The following PARD3B variants were observed in gnomAD, a reference collection of about 807,000 sequenced individuals.
The protein encoded by PARD3B is partitioning defective 3 homolog B.
Under a neutral mutation model 130.2 loss-of-function variants are expected in PARD3B, and 103 were observed. That is an observed-to-expected ratio of 0.79 (90% confidence interval 0.67 to 0.93). The LOEUF is 0.93. Ranked by LOEUF, PARD3B falls within the 40% of genes least tolerant of loss-of-function variation. The pLI is 0.00. For missense variants in PARD3B, 1,609 were observed against 1,499.2 expected (o/e 1.07, Z -1.21); for synonymous variants, 583 against 553.2 (o/e 1.05, Z -0.76).
intron 15 of PARD3B, among the ~76,000 whole-genome samples, chr2:205,236,276 TAAC>T (rs2039057373): frequency 1.3e-5 from 2 of 152,144 alleles, no homozygotes; most frequent in Admixed American, 1.3e-4. Flanking sequence ...AAAGAAATAA[TAAC>T]AATTCTACAG....
At chr2:205,467,471 A>G (rs2048668518) in intron 20 of PARD3B, among the ~76,000 whole-genome samples, 1 of 152,262 alleles carries the variant, frequency 6.6e-6, no homozygotes, top group South Asian at 2.1e-4. Context: ...TATGTAATTT[A>G]AATATTTCAA....
chr2:204,986,880 C>T (rs1461460625), intron 3 of PARD3B, among the ~76,000 whole-genome samples: 1 of 152,160 alleles, frequency 6.6e-6, no homozygotes, highest in Non-Finnish European at 1.5e-5. Context: ...TCATGTGTTG[C>T]ATATCTCCCT....
chr2:205,014,362 T>C (rs1485594659), intron 3 of PARD3B, among the ~76,000 whole-genome samples: 2 of 152,180 alleles, frequency 1.3e-5, no homozygotes, highest in African/African-American at 4.8e-5. Flanking sequence ...TGTACAGTTA[T>C]TGGCATCCAC....
In PARD3B at chr2:205,584,710, G is replaced by A. The variant is rs567599357; in HGVS notation, c.3261-30746G>A. Among the ~76,000 whole-genome samples, 1 of 152,116 alleles carries A rather than the reference G, an allele frequency of 6.6e-6. No homozygotes were observed. Among genetic ancestry groups the A allele is most frequent in the East Asian group, 1.9e-4 (1 of 5,172 alleles). The stretch of plus-strand genomic sequence containing the variant: ...AATAAATAAAAATAAATAAATAAAT[G>A]ATATATGTGGCTTGCATTATTTTCT... On this transcript the variant is annotated intron_variant, in intron 22 of 22. Coordinates refer to ENST00000406610, the MANE Select transcript of PARD3B (RefSeq NM_001302769.2). This position sits in a 1 kb window ranked among gnomAD's most constrained non-coding sequence, Gnocchi z 5.5.
intron 20 of PARD3B, among the ~76,000 whole-genome samples, chr2:205,445,751 T>C (rs927395137): frequency 6.6e-6 from 1 of 152,200 alleles, no homozygotes; most frequent in African/African-American, 2.4e-5. Context: ...GCTCCCAACA[T>C]ATAATGGCAG....
intron 15 of PARD3B, among the ~76,000 whole-genome samples, chr2:205,196,377 T>C (rs2036682527): frequency 6.6e-6 from 1 of 152,180 alleles, no homozygotes; most frequent in Non-Finnish European, 1.5e-5. Context: ...TTGCAATTTG[T>C]TTATTTATAG....
intron 15 of PARD3B, among the ~76,000 whole-genome samples, chr2:205,217,766 A>G (rs964361672): frequency 4.7e-5 from 7 of 149,186 alleles, no homozygotes; most frequent in Non-Finnish European, 5.9e-5. Context: ...ATGTGTGTAG[A>G]TAAGTATATA....
rs1553645977 is a variant in PARD3B at position 205,238,849 on chromosome 2, A to ATATATATAT, written c.2141-6929_2141-6928insTATATATAT. ...AAACTCCGTTTCAAAAAAAAAAAAAAATATATATATATATATATATATATA... is the reference window on the plus strand; with the variant it reads ...AAACTCCGTTTCAAAAAAAAAAAAAATATATATATATATATATATATATATATATATATA... On this transcript the variant is annotated intron_variant, in intron 15 of 22. Transcript: ENST00000406610. Among the ~76,000 whole-genome samples the ATATATATAT allele has an allele frequency of 1.7e-4, 13 of 76,904 alleles. No individual in the cohort carries two copies. In the East Asian group the frequency reaches 2.2e-3, roughly 13 times the overall value. 50.5% of individuals were successfully genotyped at this position (76,904 alleles called of 152,430 possible).
chr2:204,734,923 G>A (rs1196010445), intron 2 of PARD3B, among the ~76,000 whole-genome samples: 1 of 152,094 alleles, frequency 6.6e-6, no homozygotes, highest in Non-Finnish European at 1.5e-5. Flanking sequence ...TTTAAAAATA[G>A]GACCATAGTG....
intron 10 of PARD3B, among the ~76,000 whole-genome samples, chr2:205,129,244 C>T (rs138604116): frequency 9.7e-4 from 147 of 152,312 alleles, no homozygotes; most frequent in Non-Finnish European, 1.8e-3. Flanking sequence ...CATAGCCTTC[C>T]TATTGGAGAA....
chr2:205,384,913 A>T (rs1206251801), intron 18 of PARD3B, among the ~76,000 whole-genome samples: 1 of 152,090 alleles, frequency 6.6e-6, no homozygotes, highest in Admixed American at 6.6e-5. Flanking sequence ...TGTTTCTGGG[A>T]GATCTTCCTT....
At chr2:204,790,541 G>C (rs1487196068) in intron 2 of PARD3B, among the ~76,000 whole-genome samples, 1 of 152,136 alleles carries the variant, frequency 6.6e-6, no homozygotes, top group African/African-American at 2.4e-5. Flanking sequence ...TTACATTCTG[G>C]TACCAGTGAC....
At chr2:204,765,269 A>G (rs2041094566) in intron 2 of PARD3B, among the ~76,000 whole-genome samples, 1 of 152,016 alleles carries the variant, frequency 6.6e-6, no homozygotes, top group East Asian at 1.9e-4. Context: ...CCCATCCAAG[A>G]CCTGCTGAAT....
At position 205,381,146 on chromosome 2, in the gene PARD3B, T is replaced by TATATAATATATATAAAGA. The variant is rs1559035950; in HGVS notation, c.2631-19862_2631-19861insATATATATAAAGAATATA. Among the ~76,000 whole-genome samples the TATATAATATATATAAAGA allele has an allele frequency of 4.5e-3, 125 of 27,852 alleles. 1 individual carries two copies. In the South Asian group the frequency reaches 0.047, roughly 10 times the overall value. The allele number at this position is 27,852 out of a possible 152,430, so 18.3% of individuals were successfully genotyped here. Reference sequence around the variant, plus strand: ...TATATTATATATAAAGAATATATAATATATATAATATATATAAAGAATATA... The same window carrying TATATAATATATATAAAGA: ...TATATTATATATAAAGAATATATAATATATAATATATATAAAGAATATATAATATATATAAAGAATATA... On this transcript the variant is annotated intron_variant, in intron 18 of 22. Transcript: ENST00000406610.
intron 19 of PARD3B, 25 bp downstream of exon 19, chr2:205,401,148 A>G (rs374961747): frequency 1.6e-5 from 24 of 1,516,710 alleles, no homozygotes; most frequent in Non-Finnish European, 2.2e-5. Flanking sequence ...CGAGACCTTC[A>G]TTTTCTTTGA....
chr2:205,336,156 CCCTTCTCTTTAATTAA>C (rs1243390892), intron 18 of PARD3B, among the ~76,000 whole-genome samples: 1 of 152,118 alleles, frequency 6.6e-6, no homozygotes, highest in African/African-American at 2.4e-5. Flanking sequence ...ATCCAGCCAA[CCCTTCTCTTTAATTAA>C]GAATACTTCT....
chr2:205,178,533 G>A (rs2035614737), intron 13 of PARD3B, among the ~76,000 whole-genome samples: 1 of 152,178 alleles, frequency 6.6e-6, no homozygotes, highest in African/African-American at 2.4e-5. Context: ...AAAAGAGCCT[G>A]GGAAAGGAAT....
At chr2:205,007,176 G>T (rs1695334259) in intron 3 of PARD3B, among the ~76,000 whole-genome samples, 1 of 151,976 alleles carries the variant, frequency 6.6e-6, no homozygotes, top group South Asian at 2.1e-4. Context: ...TCTCCTTCCT[G>T]CCACCTTGTG....
Position 205,122,413 on chromosome 2 carries a change from C to T in PARD3B, c.1165+464C>T, listed in dbSNP as rs548655769. 9.2e-5 allele frequency among the ~76,000 whole-genome samples: 14 copies of T among 152,314 alleles called. No homozygotes were observed. In the East Asian group the frequency reaches 1.4e-3, roughly 15 times the overall value. The stretch of plus-strand genomic sequence containing the variant: ...ATGTTTACTAATTTCTCTGATTCAA[C>T]GTCACAAACATTTAAAACATACCTA... On this transcript the variant is annotated intron_variant, in intron 8 of 22. Coordinates refer to ENST00000406610, the MANE Select transcript of PARD3B (RefSeq NM_001302769.2). This position sits in a 1 kb window ranked among gnomAD's most constrained non-coding sequence, Gnocchi z 4.3.
Sources: allele counts gnomAD v4.1 joint callset (sites outside exome capture counted in the v4.1 genomes callset), GRCh38; gene constraint gnomAD v4.1.1; non-coding constraint Gnocchi (gnomAD v3.1); transcripts MANE v1.5; gene names NCBI Gene and HGNC (gene_info 2026-07-23, HGNC 2026-07-21).